Variants in ICA1 observed in about 807,000 individuals in gnomAD.
The protein encoded by ICA1 is 69 kDa islet cell autoantigen.
ICA1 carries 40 observed loss-of-function variants against 71.0 expected under a neutral mutation model. The ratio of observed to expected loss-of-function variants is 0.56; its 90% CI spans 0.44 to 0.73. ICA1 has a LOEUF of 0.73. Ranked by LOEUF, ICA1 falls within the 30% of genes least tolerant of loss-of-function variation. The probability of loss-of-function intolerance (pLI) is 0.00; values close to 1 mark genes in which losing one functional copy is unlikely to be tolerated. For missense variants in ICA1, 578 were observed against 576.5 expected (o/e 1.00, Z -0.03); for synonymous variants, 207 against 209.5 (o/e 0.99, Z 0.10).
At chr7:8,259,736 C>T (rs1811567955) in intron 1 of ICA1, among the ~76,000 whole-genome samples, 1 of 152,178 alleles carries the variant, frequency 6.6e-6, no homozygotes, top group African/African-American at 2.4e-5. Flanking sequence ...TCTGATTTTG[C>T]TCCATCAGGA....
chr7:8,187,594 C>A (rs1784298971), intron 6 of ICA1, among the ~76,000 whole-genome samples: 1 of 152,146 alleles, frequency 6.6e-6, no homozygotes, highest in Non-Finnish European at 1.5e-5. Flanking sequence ...ATAAATTAAC[C>A]TTAGCTTACT....
In ICA1 at chr7:8,130,949, TG is replaced by T. The variant is rs1160105838; in HGVS notation, c.1061-2808del. Among the ~76,000 whole-genome samples, 1 of 152,220 alleles carries T rather than the reference TG, an allele frequency of 6.6e-6. No individual in the cohort carries two copies. The highest frequency in any genetic ancestry group is 2.4e-5 in the African/African-American group (1 of 41,450). On this transcript the variant is annotated intron_variant, in intron 12 of 13. Transcript: ENST00000402384. The surrounding 1 kb of genome is among the most constrained non-coding windows in gnomAD (Gnocchi z 4.2). ...GGAAAATGCCTTCTCCATGTGATCC[TG>T]GTGAGATGCCTCTGGAAATGACTCC...
chr7:8,212,420 C>T (rs887632458), intron 6 of ICA1, among the ~76,000 whole-genome samples: 2 of 152,100 alleles, frequency 1.3e-5, no homozygotes, highest in African/African-American at 4.8e-5. Context: ...CAAAAATTAG[C>T]TGGGTGTGGT....
At chr7:8,121,210 T>C (rs534869019) in intron 13 of ICA1, among the ~76,000 whole-genome samples, 1 of 152,114 alleles carries the variant, frequency 6.6e-6, no homozygotes, top group Non-Finnish European at 1.5e-5. Context: ...CTTCAAGGGT[T>C]CTCATTTTAG....
intron 3 of ICA1, 24 bp from the exon 4 acceptor site, chr7:8,228,697 T>G: frequency 6.6e-7 from 1 of 1,522,012 alleles, no homozygotes; most frequent in Non-Finnish European, 9.0e-7. Context: ...ACAAACAAAA[T>G]GCAAAATAAA....
intron 13 of ICA1, among the ~76,000 whole-genome samples, chr7:8,122,889 T>C (rs1293915229): frequency 6.6e-6 from 1 of 152,260 alleles, no homozygotes; most frequent in Non-Finnish European, 1.5e-5. Context: ...CTGATGCATT[T>C]ATTTGAGCAG....
chr7:8,139,107 G>A (rs570432198), intron 10 of ICA1, 60 bp from the exon 11 acceptor site: 29 of 1,310,704 alleles, frequency 2.2e-5, no homozygotes, highest in Admixed American at 8.6e-5. Context: ...ATGTTCATAC[G>A]CTATTGCAGT....
At chr7:8,247,631 G>C (rs1806549945) in intron 1 of ICA1, among the ~76,000 whole-genome samples, 1 of 152,146 alleles carries the variant, frequency 6.6e-6, no homozygotes, top group African/African-American at 2.4e-5. Context: ...AAGTGGACAG[G>C]AGTCAGTTTT....
chr7:8,210,046 C>T (rs1730749827), intron 6 of ICA1, among the ~76,000 whole-genome samples: 1 of 152,100 alleles, frequency 6.6e-6, no homozygotes. Context: ...TGTCAATTGT[C>T]CAAGGAAGGG....
chr7:8,197,326 G>GC (rs1749754372), intron 6 of ICA1, among the ~76,000 whole-genome samples: 1 of 151,402 alleles, frequency 6.6e-6, no homozygotes, highest in Non-Finnish European at 1.5e-5. Flanking sequence ...AGGCCGAAGC[G>GC]GGCGGATCAC....
Position 8,218,434 on chromosome 7 carries a change from T to G in ICA1, c.450A>C (p.Ser150=). The change falls in exon 6 of 14, where the codon TCA becomes TCC. Residue 150 remains serine, a synonymous_variant. Transcript: ENST00000402384. ...EVETFRHRAI[S]DTWLTVNRME... ...TGCGGTTCACCGTCAGCCAAGTATC[T>G]GAGATGGCCCGATGCCGAAAAGTCT... 1 of 1,614,122 alleles carries G rather than the reference T, an allele frequency of 6.2e-7. No homozygotes were observed. Among genetic ancestry groups the G allele is most frequent in the South Asian group, 1.1e-5 (1 of 91,082 alleles).
At position 8,177,973 on chromosome 7, in the gene ICA1, G is replaced by C. The variant is rs577447862; in HGVS notation, c.580-19321C>G. Among the ~76,000 whole-genome samples the C allele has an allele frequency of 6.6e-4, 100 of 152,290 alleles. 1 individual carries two copies. In the South Asian group the frequency reaches 0.01, roughly 15 times the overall value. On this transcript the variant is annotated intron_variant, in intron 6 of 13. Transcript: ENST00000402384. ...ACTTTCAGCAGTTCCCAGACATCCAGGGTAAATGCAAACTCTGGAATGTGA... is the reference window on the plus strand; with the variant it reads ...ACTTTCAGCAGTTCCCAGACATCCACGGTAAATGCAAACTCTGGAATGTGA...
chr7:8,137,409 G>T (rs1007552704), intron 12 of ICA1, among the ~76,000 whole-genome samples: 4 of 152,188 alleles, frequency 2.6e-5, no homozygotes, highest in Non-Finnish European at 5.9e-5. Context: ...TTGTTTACTG[G>T]TAAGACTTGT....
At chr7:8,186,353 T>C (rs779095110) in intron 6 of ICA1, among the ~76,000 whole-genome samples, 1 of 152,158 alleles carries the variant, frequency 6.6e-6, no homozygotes, top group Admixed American at 6.5e-5. Context: ...CTGGTCACTG[T>C]GGAGAATAGG....
chr7:8,240,880 T>C (rs1803599354), intron 1 of ICA1, among the ~76,000 whole-genome samples: 1 of 151,958 alleles, frequency 6.6e-6, no homozygotes, highest in Non-Finnish European at 1.5e-5. Context: ...GAGTAAAAAG[T>C]AACTAGCAAA....
At chr7:8,235,823 CT>C (rs752526647) in intron 2 of ICA1, 86 bp downstream of exon 2, 3 of 1,377,246 alleles carry the variant, frequency 2.2e-6, no homozygotes. Context: ...CAATGTATCT[CT>C]TGTTTTTCCA....
At chr7:8,239,354 T>C (rs533523604) in intron 1 of ICA1, among the ~76,000 whole-genome samples, 71 of 152,334 alleles carry the variant, frequency 4.7e-4, no homozygotes, top group Admixed American at 1.1e-3. Context: ...GAGCATCAAA[T>C]GAGTACATGC....
chr7:8,167,935 A>C (rs1289134173), intron 6 of ICA1, among the ~76,000 whole-genome samples: 4 of 152,190 alleles, frequency 2.6e-5, no homozygotes, highest in Non-Finnish European at 4.4e-5. Context: ...CAATCTTGCC[A>C]TTTAAATTTC....
At chr7:8,213,361 T>C (rs1794428564) in intron 6 of ICA1, among the ~76,000 whole-genome samples, 1 of 152,238 alleles carries the variant, frequency 6.6e-6, no homozygotes, top group East Asian at 1.9e-4. Context: ...ACTGGTTCAC[T>C]GTATGGATCC....
Sources: gnomAD v4.1 joint callset for allele counts (sites outside exome capture counted in the v4.1 genomes callset) on GRCh38, gnomAD v4.1.1 for gene constraint, Gnocchi (gnomAD v3.1) non-coding constraint, MANE v1.5 for transcripts, NCBI Gene and HGNC (gene_info 2026-07-23, HGNC 2026-07-21) for gene names.